STRN3: variants seen among roughly 807,000 people sequenced by gnomAD.
STRN3 encodes striatin-3.
In STRN3, 29 loss-of-function variants were observed where a neutral mutation model predicts 95.6. The observed-to-expected ratio is 0.30, with a 90% CI of 0.23 to 0.41. The LOEUF is 0.41. Among genes scored for constraint, STRN3 ranks in the 10% least tolerant of loss-of-function variants. The probability of loss-of-function intolerance (pLI) is 1.00; values close to 1 mark genes in which losing one functional copy is unlikely to be tolerated. For missense variants in STRN3, 890 were observed against 972.1 expected (o/e 0.92, Z 1.12); for synonymous variants, 331 against 357.6 (o/e 0.93, Z 0.84).
At chr14:30,905,382 T>G (rs754447279) in intron 15 of STRN3, 36 bp downstream of exon 15, 2 of 1,559,610 alleles carry the variant, frequency 1.3e-6, no homozygotes, top group Admixed American at 2.1e-5. Flanking sequence ...GTAATAACCC[T>G]TTTTAAGGTT....
intron 1 of STRN3, among the ~76,000 whole-genome samples, chr14:30,959,458 G>A (rs979270309): frequency 6.6e-6 from 1 of 152,130 alleles, no homozygotes; most frequent in Non-Finnish European, 1.5e-5. Context: ...ATATCATCAC[G>A]TATCTAGAGG....
chr14:31,010,972 G>A (rs1196936206), intron 1 of STRN3, among the ~76,000 whole-genome samples: 1 of 152,220 alleles, frequency 6.6e-6, no homozygotes, highest in South Asian at 2.1e-4. Context: ...CCAGGCAGCA[G>A]AGGTTGCAGT....
chr14:30,950,827 A>G, intron 4 of STRN3, 36 bp downstream of exon 4: 1 of 1,583,992 alleles, frequency 6.3e-7, no homozygotes, highest in African/African-American at 1.3e-5. Context: ...TCATACCTAG[A>G]TCCTTAAAGA....
chr14:30,962,209 GAAGA>G (rs1184881902), intron 1 of STRN3, among the ~76,000 whole-genome samples: 1 of 152,084 alleles, frequency 6.6e-6, no homozygotes, highest in Non-Finnish European at 1.5e-5. Context: ...TTAAAAACTA[GAAGA>G]AAGCTAATAG....
At chr14:30,930,744 A>C (rs766082874) in intron 7 of STRN3, among the ~76,000 whole-genome samples, 9 of 152,178 alleles carry the variant, frequency 5.9e-5, no homozygotes, top group Non-Finnish European at 7.4e-5. Flanking sequence ...CAAATCATGA[A>C]GTTTCCTGAA....
chr14:30,993,100 A>C (rs999113705), intron 1 of STRN3, among the ~76,000 whole-genome samples: 4 of 152,192 alleles, frequency 2.6e-5, no homozygotes, highest in African/African-American at 9.7e-5. Context: ...CCCCAACTCT[A>C]CAAAAAATAA....
intron 14 of STRN3, among the ~76,000 whole-genome samples, chr14:30,906,563 G>C (rs961237474): frequency 6.6e-6 from 1 of 152,074 alleles, no homozygotes; most frequent in African/African-American, 2.4e-5. Flanking sequence ...CGGTCTTTGT[G>C]GGGTAGTCGT....
intron 1 of STRN3, among the ~76,000 whole-genome samples, chr14:30,989,420 G>A (rs903117341): frequency 2.6e-5 from 4 of 152,068 alleles, no homozygotes; most frequent in Admixed American, 6.6e-5. Context: ...GGGAGGTAGC[G>A]AGACAGCAGC....
At chr14:30,988,025 C>T (rs553722920) in intron 1 of STRN3, among the ~76,000 whole-genome samples, 40 of 152,278 alleles carry the variant, frequency 2.6e-4, no homozygotes, top group South Asian at 1.5e-3. Context: ...CGTAAGCCAC[C>T]GCGTCCAGCT....
chr14:30,938,521 G>A (rs1878937990), intron 5 of STRN3, among the ~76,000 whole-genome samples: 2 of 152,076 alleles, frequency 1.3e-5, no homozygotes, highest in Non-Finnish European at 2.9e-5. Context: ...TAAAGTAAGA[G>A]TACCTCCTGT....
At chr14:30,976,305 ATT>A (rs1448169003) in intron 1 of STRN3, among the ~76,000 whole-genome samples, 2 of 152,350 alleles carry the variant, frequency 1.3e-5, no homozygotes, top group African/African-American at 4.8e-5. Context: ...AACCAGGATA[ATT>A]ATCCAGGATA....
At chr14:30,986,795 GA>G (rs1275941206) in intron 1 of STRN3, among the ~76,000 whole-genome samples, 8 of 152,256 alleles carry the variant, frequency 5.3e-5, no homozygotes, top group African/African-American at 1.9e-4. Context: ...CTCTTAAACA[GA>G]AGATATCAAC....
intron 1 of STRN3, among the ~76,000 whole-genome samples, chr14:31,005,573 C>T (rs1882676185): frequency 6.6e-6 from 1 of 152,132 alleles, no homozygotes; most frequent in African/African-American, 2.4e-5. Flanking sequence ...ATTGGGGTCT[C>T]GAGTTTTTAG....
At position 31,015,373 on chromosome 14, in the gene STRN3, T is replaced by C. The variant is rs144744981; in HGVS notation, c.282+10531A>G. ...AGTTTCATCTTGGGCTTAAACACTT[T>C]CAATTTTTTTTTTTTTTTGAGACGG... On this transcript the variant is annotated intron_variant, in intron 1 of 17. Coordinates refer to ENST00000357479, the MANE Select transcript of STRN3 (RefSeq NM_001083893.2). Among the ~76,000 whole-genome samples the C allele has an allele frequency of 5.3e-5, 8 of 152,038 alleles. No homozygotes were observed. In the East Asian group the frequency reaches 7.7e-4, roughly 15 times the overall value.
chr14:31,016,798 C>T (rs1316045359), intron 1 of STRN3, among the ~76,000 whole-genome samples: 1 of 152,142 alleles, frequency 6.6e-6, no homozygotes, highest in East Asian at 1.9e-4. Flanking sequence ...CCGCTTTGGC[C>T]TCCCAAAGTG....
chr14:30,977,848 A>C (rs2139215946), intron 1 of STRN3, among the ~76,000 whole-genome samples: 1 of 150,656 alleles, frequency 6.6e-6, no homozygotes, highest in South Asian at 2.1e-4. Flanking sequence ...TATTGAACCC[A>C]TGGACATTAA....
chr14:30,897,155 C>T (rs975224767), intron 16 of STRN3, among the ~76,000 whole-genome samples: 1 of 152,192 alleles, frequency 6.6e-6, no homozygotes. Flanking sequence ...TGCCTCTGGT[C>T]CCATGATGAT....
rs376032576 is a variant in STRN3, at chr14:31,014,797, G to T, written c.282+11107C>A. The T allele has an allele frequency of 8.1e-4, 309 of 383,808 alleles. 1 individual carries two copies. The highest frequency in any genetic ancestry group is 6.8e-3 in the African/African-American group (280 of 41,420). 23.8% of individuals were successfully genotyped at this position (383,808 alleles called of 1,614,324 possible). On this transcript the variant is annotated intron_variant, in intron 1 of 17. Transcript: ENST00000357479. ...AACCTTTTTTTCTTTTTCATTACAA[G>T]AACACAAAACCACTTTAAAAAAAAA...
intron 1 of STRN3, among the ~76,000 whole-genome samples, chr14:30,970,348 G>A (rs540181400): frequency 1.3e-5 from 2 of 152,314 alleles, no homozygotes; most frequent in South Asian, 2.1e-4. Context: ...CTTTTATGCC[G>A]TAGTTGGTCC....
Sources: allele counts gnomAD v4.1 joint callset (sites outside exome capture counted in the v4.1 genomes callset), GRCh38; gene constraint gnomAD v4.1.1; transcripts MANE v1.5; gene names NCBI Gene and HGNC (gene_info 2026-07-23, HGNC 2026-07-21).